TGFBI: variants seen among roughly 807,000 people sequenced by gnomAD.
TGFBI encodes the protein transforming growth factor beta induced, also known as transforming growth factor-beta-induced protein ig-h3.
In TGFBI, 50 loss-of-function variants were observed where a neutral mutation model predicts 73.7. The observed-to-expected ratio is 0.68, with a 90% CI of 0.54 to 0.86. The LOEUF is 0.86. Ranked by LOEUF, TGFBI falls within the 40% of genes least tolerant of loss-of-function variation. TGFBI has a pLI of 0.00. For synonymous variants in TGFBI, 362 were observed against 360.5 expected, an observed-to-expected ratio of 1.00 and a Z score of -0.05; for missense variants, 839 against 877.0, an observed-to-expected ratio of 0.96 and a Z score of 0.55.
chr5:136,047,309 C>T lies in TGFBI; in HGVS notation c.660C>T (p.Ala220=), dbSNP rs745381374. Residue 220 remains alanine, a synonymous_variant, in exon 6 of 17, where the codon GCC becomes GCT. Transcript: ENST00000442011. The part of the protein sequence containing the change: ...VTVNCARLLK[A]DHHATNGVVH... ...TGAACTGTGCCCGGCTGCTGAAAGC[C>T]GACCACCATGCAACCAACGGGGTGG... 35 of 1,613,724 alleles carry T rather than the reference C, an allele frequency of 2.2e-5. No homozygotes were observed. The highest frequency in any genetic ancestry group is 4.4e-5 in the South Asian group (4 of 91,084).
intron 2 of TGFBI, among the ~76,000 whole-genome samples, chr5:136,036,322 A>G (rs1446019418): frequency 2.0e-5 from 3 of 152,364 alleles, no homozygotes; most frequent in East Asian, 3.9e-4. Context: ...TGACATTTAC[A>G]TTCAACTCTT....
chr5:136,046,166 G>A, intron 3 of TGFBI, 169 bp from the exon 4 acceptor site: 1 of 650,180 alleles, frequency 1.5e-6, no homozygotes, highest in East Asian at 2.8e-5. Flanking sequence ...GTTTTAAGAA[G>A]ACTATAACAA....
intron 9 of TGFBI, among the ~76,000 whole-genome samples, chr5:136,054,434 GCT>G (rs1751590582): frequency 1.3e-5 from 2 of 152,182 alleles, no homozygotes; most frequent in African/African-American, 4.8e-5. Context: ...TGAGGGTACA[GCT>G]GAGCTGCAGC....
chr5:136,059,035 C>T (rs1294692728), intron 12 of TGFBI, 55 bp from the exon 13 acceptor site: 5 of 1,580,578 alleles, frequency 3.2e-6, no homozygotes, highest in Non-Finnish European at 4.3e-6. Flanking sequence ...CCTCCTTGAC[C>T]AGGCTAATTA....
At chr5:136,047,045 C>T (rs1250450873) in intron 5 of TGFBI, 30 bp downstream of exon 5, 2 of 1,606,472 alleles carry the variant, frequency 1.2e-6, no homozygotes, top group Non-Finnish European at 1.7e-6. Flanking sequence ...ACTGCATGGC[C>T]CTTGGTGCAT....
Position 136,063,316 on chromosome 5 carries a change from C to A in TGFBI, c.*90C>A. On this transcript the variant is annotated 3_prime_UTR_variant, in exon 17 of 17. Transcript: ENST00000442011. The stretch of plus-strand genomic sequence containing the variant: ...GAGACTGTTTGAATGTTTTCAAAAC[C>A]AAGTATCACACTTTAATGTACATGG... 2 of 1,204,582 alleles carry A rather than the reference C, an allele frequency of 1.7e-6. No individual in the cohort carries two copies. Among genetic ancestry groups the A allele is most frequent in the Non-Finnish European group, 2.4e-6 (2 of 822,980 alleles). 74.6% of individuals were successfully genotyped at this position (1,204,582 alleles called of 1,614,324 possible).
rs2126909283 is a variant in TGFBI at position 136,046,837 on chromosome 5, GTCCTTCC to G, written c.460-9_460-3del. On this transcript the variant is annotated splice_polypyrimidine_tract_variant and splice_region_variant and intron_variant, in intron 4 of 16. Transcript: ENST00000442011. ...GTCTGCAGCCCCTAACTGACACCCT[GTCCTTCC>G]TCCTAGGAAGTGCTGGACTCCCTGG... 2 of 1,609,848 alleles carry G rather than the reference GTCCTTCC, an allele frequency of 1.2e-6. No homozygotes were observed. The highest frequency in any genetic ancestry group is 4.5e-5 in the East Asian group (2 of 44,764).
intron 1 of TGFBI, among the ~76,000 whole-genome samples, chr5:136,030,751 G>A (rs917200224): frequency 6.6e-6 from 1 of 152,080 alleles, no homozygotes; most frequent in African/African-American, 2.4e-5. Context: ...TTATGTTTGG[G>A]TGCCTCAATT....
At chr5:136,032,846 C>G (rs1751146509) in intron 1 of TGFBI, among the ~76,000 whole-genome samples, 1 of 150,982 alleles carries the variant, frequency 6.6e-6, no homozygotes, top group Non-Finnish European at 1.5e-5. Flanking sequence ...TGGGTCAGGA[C>G]TTGGTATACT....
rs370850662 is a variant in TGFBI at position 136,049,413 on chromosome 5, C to G, written c.772-26C>G. On this transcript the variant is annotated intron_variant, in intron 6 of 16. Coordinates refer to ENST00000442011, the MANE Select transcript of TGFBI (RefSeq NM_000358.3). ...GGGGAGTGCCAGAGTCTTCAGGGAG[C>G]ACTCCATCTTCTCTCCTCCCCACAG... 8.1e-6 allele frequency: 13 copies of G among 1,611,024 alleles called. No homozygotes were observed. In the African/African-American group the frequency reaches 1.1e-4, roughly 13 times the overall value.
intron 2 of TGFBI, among the ~76,000 whole-genome samples, chr5:136,043,508 C>T (rs191092532): frequency 8.3e-4 from 126 of 152,176 alleles, no homozygotes; most frequent in Non-Finnish European, 1.6e-3. Context: ...ATATATTCCC[C>T]TCTTTGGCTA....
intron 13 of TGFBI, among the ~76,000 whole-genome samples, chr5:136,059,715 G>A (rs1371933646): frequency 6.6e-6 from 1 of 152,178 alleles, no homozygotes; most frequent in Non-Finnish European, 1.5e-5. Flanking sequence ...AGCCAGCCGA[G>A]CTCCAGAAAT....
intron 12 of TGFBI, among the ~76,000 whole-genome samples, chr5:136,058,022 G>A (rs1436741590): frequency 2.0e-5 from 3 of 152,142 alleles, no homozygotes; most frequent in African/African-American, 4.8e-5. Context: ...CCCCAGGCCT[G>A]AGGCACCCCT....
At chr5:136,060,757 T>G in intron 13 of TGFBI, 77 bp from the exon 14 acceptor site, 8 of 1,164,338 alleles carry the variant, frequency 6.9e-6, no homozygotes, top group South Asian at 1.7e-5. Context: ...AGTAAACACT[T>G]GCTGAATGAA....
At chr5:136,053,463 C>T (rs544622411) in intron 8 of TGFBI, among the ~76,000 whole-genome samples, 2 of 152,364 alleles carry the variant, frequency 1.3e-5, no homozygotes, top group East Asian at 1.9e-4. Context: ...CAAGCTGTCC[C>T]ATGGTCACTG....
chr5:136,060,362 G>A (rs1751724607), intron 13 of TGFBI, among the ~76,000 whole-genome samples: 1 of 152,196 alleles, frequency 6.6e-6, no homozygotes, highest in South Asian at 2.1e-4. Flanking sequence ...TCAAGGGCAG[G>A]GACTGTTTCA....
intron 1 of TGFBI, among the ~76,000 whole-genome samples, chr5:136,031,089 C>A (rs1751112141): frequency 6.6e-6 from 1 of 152,226 alleles, no homozygotes. Flanking sequence ...TGCAGCACAG[C>A]TGGAAAGGCC....
chr5:136,036,923 G>A (rs1284649527), intron 2 of TGFBI, among the ~76,000 whole-genome samples: 2 of 152,154 alleles, frequency 1.3e-5, no homozygotes. Flanking sequence ...GAAACCAGAA[G>A]GAGAATTTCA....
rs1159499648 is a variant in TGFBI, at chr5:136,055,572, C to G, written c.1411-108C>G. On this transcript the variant is annotated intron_variant, in intron 10 of 16. Coordinates refer to ENST00000442011, the MANE Select transcript of TGFBI (RefSeq NM_000358.3). ...CCTTAATAACCCATCCCAGTGTATA[C>G]TCCTTCATCTTCATGGATAATGACC... 3.8e-6 allele frequency: 4 copies of G among 1,060,714 alleles called. No homozygotes were observed. In the East Asian group the frequency reaches 1.1e-4, roughly 30 times the overall value. The allele number at this position is 1,060,714 out of a possible 1,614,324, so 65.7% of individuals were successfully genotyped here. A position where few individuals can be genotyped will look rare whatever the true frequency, so the allele number is the denominator to read the frequency against.
Sources: gnomAD v4.1 joint callset for allele counts (sites outside exome capture counted in the v4.1 genomes callset) on GRCh38, gnomAD v4.1.1 for gene constraint, MANE v1.5 for transcripts, NCBI Gene and HGNC (gene_info 2026-07-23, HGNC 2026-07-21) for gene names.